Variants in SCYL1 observed in about 807,000 individuals in gnomAD.
SCYL1 encodes SCY1 like pseudokinase 1.
In SCYL1, 85 loss-of-function variants were observed where a neutral mutation model predicts 94.8. The ratio of observed to expected loss-of-function variants is 0.90; its 90% CI spans 0.75 to 1.07. The LOEUF (loss-of-function observed/expected upper bound fraction) is 1.07, where lower values mean the gene tolerates loss of function less well. Among genes scored for constraint, SCYL1 ranks in the 50% least tolerant of loss-of-function variants. The probability of loss-of-function intolerance (pLI) is 0.00; values close to 1 mark genes in which losing one functional copy is unlikely to be tolerated. For synonymous variants in SCYL1, 459 were observed against 435.5 expected (o/e 1.05, Z -0.67); for missense variants, 968 against 1,083.3 (o/e 0.89, Z 1.49).
At chr11:65,536,407 C>G in intron 12 of SCYL1, 73 bp downstream of exon 12, 1 of 1,527,818 alleles carries the variant, frequency 6.5e-7, no homozygotes, top group South Asian at 1.1e-5. Flanking sequence ...GTCCCACCCC[C>G]ACTGGAGTTT....
At chr11:65,525,879 T>A in intron 2 of SCYL1, 42 bp from the exon 3 acceptor site, 1 of 1,601,366 alleles carries the variant, frequency 6.2e-7, no homozygotes, top group South Asian at 1.1e-5. Flanking sequence ...CTCCTTCCTC[T>A]CTGCCCCTCC....
At chr11:65,533,008 C>G (rs1855464993) in intron 9 of SCYL1, 1 of 561,726 alleles carries the variant, frequency 1.8e-6, no homozygotes, top group African/African-American at 1.9e-5. Flanking sequence ...CTGCCTGTTC[C>G]TGGCCCAAGC....
At chr11:65,527,151 A>G (rs932778475) in intron 6 of SCYL1, 34 bp downstream of exon 6, 2 of 1,602,236 alleles carry the variant, frequency 1.2e-6, no homozygotes, top group South Asian at 1.1e-5. Flanking sequence ...CTTCGACCCT[A>G]TCTTTTTCAT....
chr11:65,530,471 A>G (rs1344865503), intron 6 of SCYL1, among the ~76,000 whole-genome samples, 158 bp from the exon 7 acceptor site: 2 of 152,166 alleles, frequency 1.3e-5, no homozygotes, highest in African/African-American at 4.8e-5. Context: ...CCCATTTTAC[A>G]TGGCAGGTAA....
In SCYL1 at chr11:65,532,693, T is replaced by G; in HGVS notation, c.1118T>G (p.Met373Arg). 6.2e-7 allele frequency: 1 copy of G among 1,613,214 alleles called. No homozygotes were observed. Among genetic ancestry groups the G allele is most frequent in the Non-Finnish European group, 8.5e-7 (1 of 1,179,262 alleles). Residue 373 changes from methionine to arginine, a missense_variant and splice_region_variant, in exon 9 of 18, where the codon ATG becomes AGG. Around this residue, in one of 2 missense-constraint regions of SCYL1, gnomAD observed 494 missense variants for 619.7 expected, o/e 0.80. Transcript: ENST00000270176. ...RAMRIRLLQQ[M>R]EQFIQYLDEP... ...GACGCATCCCAACCTGGGCCACAGA[T>G]GGAGCAGTTCATCCAGTACCTTGAC... is the stretch of plus-strand genomic sequence containing the variant.
intron 11 of SCYL1, 55 bp from the exon 12 acceptor site, chr11:65,536,204 C>A: frequency 1.9e-6 from 3 of 1,606,008 alleles, no homozygotes; most frequent in Non-Finnish European, 2.6e-6. Context: ...CCCTAGCTGG[C>A]CTGGTAGGTT....
At position 65,536,715 on chromosome 11, in the gene SCYL1, C is replaced by A. The variant is rs781502358; in HGVS notation, c.1781C>A (p.Thr594Lys). The change falls in exon 13 of 18, where the codon ACA (threonine) becomes AAA (lysine). Residue 594 changes from threonine (T) to lysine (K), a missense_variant. Physicochemically the swap from Thr to Lys is moderately conservative, Grantham distance 78 (BLOSUM62 -1). Coordinates refer to ENST00000270176, the MANE Select transcript of SCYL1 (RefSeq NM_020680.4). ...LIRSHPTTAP[T>K]ETNIPQRPTP... The stretch of plus-strand genomic sequence containing the variant: ...CGTTCGCACCCAACCACTGCCCCAA[C>A]AGAAACCAACATTCCCCAAAGACCC... 6.2e-7 allele frequency: 1 copy of A among 1,609,432 alleles called. No individual in the cohort carries two copies. The highest frequency in any genetic ancestry group is 1.1e-5 in the South Asian group (1 of 90,960).
intron 6 of SCYL1, among the ~76,000 whole-genome samples, chr11:65,529,031 G>A (rs1223310160): frequency 2.0e-5 from 3 of 152,192 alleles, no homozygotes; most frequent in African/African-American, 7.2e-5. Context: ...CAGGGTTGCT[G>A]TAGGGAGGAG....
rs1855016824 is a variant in SCYL1, at chr11:65,525,272, C to A, written c.111+8C>A. Reference sequence around the variant, plus strand: ...CACCGCGGCCGCAAGAAGGTGAGTGCGGCCGAGCTCCGTAGGCCGCGGTCG... The same window carrying A: ...CACCGCGGCCGCAAGAAGGTGAGTGAGGCCGAGCTCCGTAGGCCGCGGTCG... On this transcript the variant is annotated splice_region_variant and intron_variant, in intron 1 of 17. Coordinates refer to ENST00000270176, the MANE Select transcript of SCYL1 (RefSeq NM_020680.4). 7.1e-7 allele frequency: 1 copy of A among 1,415,042 alleles called. No homozygotes were observed. Among genetic ancestry groups the A allele is most frequent in the Non-Finnish European group, 9.3e-7 (1 of 1,079,086 alleles). The allele number at this position is 1,415,042 out of a possible 1,614,324, so 87.7% of individuals were successfully genotyped here.
chr11:65,529,253 G>A (rs1246859082), intron 6 of SCYL1, among the ~76,000 whole-genome samples: 1 of 152,198 alleles, frequency 6.6e-6, no homozygotes, highest in Non-Finnish European at 1.5e-5. Context: ...TGCTGGAAAC[G>A]CTGAGACCCC....
At chr11:65,528,657 G>T (rs1855211881) in intron 6 of SCYL1, among the ~76,000 whole-genome samples, 1 of 151,822 alleles carries the variant, frequency 6.6e-6, no homozygotes. Context: ...CTACTCCAGA[G>T]GCTGAGGCGG....
chr11:65,531,981 G>T (rs949671435), intron 8 of SCYL1, among the ~76,000 whole-genome samples: 9 of 152,228 alleles, frequency 5.9e-5, no homozygotes, highest in African/African-American at 2.2e-4. Context: ...CCCCAGGGCA[G>T]CTGGGAGCAT....
chr11:65,525,272 C>T lies in SCYL1; in HGVS notation c.111+8C>T. On this transcript the variant is annotated splice_region_variant and intron_variant, in intron 1 of 17. Coordinates refer to ENST00000270176, the MANE Select transcript of SCYL1 (RefSeq NM_020680.4). ...CACCGCGGCCGCAAGAAGGTGAGTG[C>T]GGCCGAGCTCCGTAGGCCGCGGTCG... is the stretch of plus-strand genomic sequence containing the variant. The T allele has an allele frequency of 1.4e-6, 2 of 1,415,044 alleles. No individual in the cohort carries two copies. Among genetic ancestry groups the T allele is most frequent in the Non-Finnish European group, 1.9e-6 (2 of 1,079,088 alleles). The allele number at this position is 1,415,044 out of a possible 1,614,324, so 87.7% of individuals were successfully genotyped here.
At chr11:65,527,138 G>A in intron 6 of SCYL1, 21 bp downstream of exon 6, 1 of 1,608,638 alleles carries the variant, frequency 6.2e-7, no homozygotes. Flanking sequence ...AACCCACCCT[G>A]GGCTTCGACC....
At chr11:65,528,919 C>T (rs907758045) in intron 6 of SCYL1, among the ~76,000 whole-genome samples, 2 of 152,080 alleles carry the variant, frequency 1.3e-5, no homozygotes, top group African/African-American at 4.8e-5. Flanking sequence ...CAGGCAGAGG[C>T]GACAGCACGT....
At position 65,530,613 on chromosome 11, in the gene SCYL1, G is replaced by C. The variant is rs577235783; in HGVS notation, c.850-16G>C. 3 of 1,607,998 alleles carry C rather than the reference G, an allele frequency of 1.9e-6. No homozygotes were observed. The African/African-American group carries it at 4.0e-5, about 22-fold the overall frequency. ...CAGGCTGATCTCTTCCCCGGGTCCC[G>C]TCCTCACTCCCCCAGATCAAAGAGC... is the stretch of plus-strand genomic sequence containing the variant. On this transcript the variant is annotated splice_polypyrimidine_tract_variant and intron_variant, in intron 6 of 17. Transcript: ENST00000270176.
rs866122670 is a variant in SCYL1, at chr11:65,538,168, C to T, written c.2233C>T (p.Arg745Cys). The part of the protein sequence containing the change: ...KGDPFATLSA[R>C]PSTQPRPDSW... The stretch of plus-strand genomic sequence containing the variant: ...CGACCCCTTCGCTACCCTGTCTGCA[C>T]GTCCCAGCACCCAGGTACCCAGCAC... Residue 745 changes from arginine to cysteine, a missense_variant, in exon 16 of 18, where the codon CGT becomes TGT. Physicochemically the swap from Arg to Cys is radical, Grantham distance 180 (BLOSUM62 -3). Transcript: ENST00000270176. 1 of 1,588,244 alleles carries T rather than the reference C, an allele frequency of 6.3e-7. No homozygotes were observed. The highest frequency in any genetic ancestry group is 2.3e-5 in the East Asian group (1 of 43,610).
chr11:65,530,491 T>C, intron 6 of SCYL1, 138 bp from the exon 7 acceptor site: 1 of 877,636 alleles, frequency 1.1e-6, no homozygotes, highest in East Asian at 2.7e-5. Context: ...AGTGGGACAG[T>C]TGGGCTTTGA....
chr11:65,526,888 C>T lies in SCYL1; in HGVS notation c.693+15C>T, dbSNP rs1159490183. 6.2e-7 allele frequency: 1 copy of T among 1,612,878 alleles called. No individual in the cohort carries two copies. The highest frequency in any genetic ancestry group is 1.1e-5 in the South Asian group (1 of 91,050). On this transcript the variant is annotated intron_variant, in intron 5 of 17. Coordinates refer to ENST00000270176, the MANE Select transcript of SCYL1 (RefSeq NM_020680.4). The surrounding 1 kb of genome is among the most constrained non-coding windows in gnomAD (Gnocchi z 4.1). Reference sequence around the variant, plus strand: ...ACCCTGGGAAGGTAAGTTTCTTGCCCCTGGCTCTTTGCCCTGCCTCAGCCC... The same window carrying T: ...ACCCTGGGAAGGTAAGTTTCTTGCCTCTGGCTCTTTGCCCTGCCTCAGCCC...
Sources: allele counts gnomAD v4.1 joint callset (sites outside exome capture counted in the v4.1 genomes callset), GRCh38; gene constraint gnomAD v4.1.1; regional missense constraint gnomAD v4.1.1; non-coding constraint Gnocchi (gnomAD v3.1); transcripts MANE v1.5; gene names NCBI Gene and HGNC (gene_info 2026-07-23, HGNC 2026-07-21).